RYR2: variants seen among roughly 807,000 people sequenced by gnomAD.
RYR2 encodes the protein ryanodine receptor 2.
In RYR2, 227 loss-of-function variants were observed where a neutral mutation model predicts 601.1. The ratio of observed to expected loss-of-function variants is 0.38; its 90% CI spans 0.34 to 0.42. RYR2 has a LOEUF of 0.42. RYR2 is among the 10% of genes least tolerant of loss of function. RYR2 has a pLI of 1.00. For synonymous variants in RYR2, 2,223 were observed against 2,175.1 expected, an observed-to-expected ratio of 1.02 and a Z score of -0.61; for missense variants, 4,646 against 6,156.5, an observed-to-expected ratio of 0.75 and a Z score of 8.21.
At chr1:237,470,436 G>A (rs989693475) in intron 17 of RYR2, among the ~76,000 whole-genome samples, 5 of 152,114 alleles carry the variant, frequency 3.3e-5, no homozygotes, top group African/African-American at 1.2e-4. Flanking sequence ...TTTAGATAGT[G>A]GAGGACAAAA....
intron 101 of RYR2, among the ~76,000 whole-genome samples, chr1:237,823,839 A>C (rs954837307): frequency 2.0e-5 from 3 of 152,214 alleles, no homozygotes; most frequent in Non-Finnish European, 4.4e-5. Flanking sequence ...AAAAATTATA[A>C]AGGGGATATC....
intron 1 of RYR2, among the ~76,000 whole-genome samples, chr1:237,222,418 A>G (rs1185285837): frequency 6.6e-6 from 1 of 151,992 alleles, no homozygotes; most frequent in Non-Finnish European, 1.5e-5. Flanking sequence ...ATCTCAAAAA[A>G]AAAAAAAGGA....
rs766514559 is a variant in RYR2, at chr1:237,614,335, T to G, written c.5207T>G (p.Ile1736Ser). Residue 1736 changes from isoleucine to serine, a missense_variant, in exon 37 of 105, where the codon ATC (isoleucine) becomes AGC (serine). Ile to Ser is a moderately radical substitution (Grantham distance 142). Around this residue, in one of 17 missense-constraint regions of RYR2, gnomAD observed 1,807 missense variants for 2,088.1 expected, o/e 0.87. Transcript: ENST00000366574. The surrounding 1 kb of genome is among the most constrained non-coding windows in gnomAD (Gnocchi z 4.3). ...CCCATGACGGAGGAGACGAAGAGCA[T>G]CACCCTGTTCCCTGATGAGAACAAA... The part of the protein sequence containing the change: ...IVPMTEETKS[I>S]TLFPDENKKH... 1 of 1,613,980 alleles carries G rather than the reference T, an allele frequency of 6.2e-7. No homozygotes were observed. Among genetic ancestry groups the G allele is most frequent in the Non-Finnish European group, 8.5e-7 (1 of 1,179,900 alleles).
chr1:237,659,223 G>T (rs188200318), intron 54 of RYR2, among the ~76,000 whole-genome samples: 1 of 152,032 alleles, frequency 6.6e-6, no homozygotes, highest in African/African-American at 2.4e-5. Context: ...CTTTTTTGTT[G>T]GTTTTGATAA....
At chr1:237,478,638 T>C (rs1661676337) in intron 17 of RYR2, among the ~76,000 whole-genome samples, 1 of 151,264 alleles carries the variant, frequency 6.6e-6, no homozygotes, top group African/African-American at 2.5e-5. Context: ...TGTTCTAGTC[T>C]CTTTAAATAT....
intron 43 of RYR2, 80 bp from the exon 44 acceptor site, chr1:237,634,809 T>G: frequency 9.7e-7 from 1 of 1,030,592 alleles, no homozygotes; most frequent in South Asian, 1.4e-5. Flanking sequence ...AATTAAATTT[T>G]AAGAGGTAGT....
intron 10 of RYR2, among the ~76,000 whole-genome samples, chr1:237,402,242 A>AAAAT (rs397721301): frequency 6.6e-6 from 1 of 150,952 alleles, no homozygotes; most frequent in Non-Finnish European, 1.5e-5. Context: ...AAAAAAAAAA[A>AAAAT]GTTTTTTAAT....
chr1:237,569,355 G>C (rs757164231), intron 29 of RYR2, 36 bp downstream of exon 29: 2 of 1,591,800 alleles, frequency 1.3e-6, no homozygotes, highest in South Asian at 2.3e-5. Context: ...TTTTAAGTTT[G>C]CAGCACAAGG....
chr1:237,424,507 A>G (rs944813502), intron 12 of RYR2, among the ~76,000 whole-genome samples: 1 of 152,178 alleles, frequency 6.6e-6, no homozygotes, highest in Non-Finnish European at 1.5e-5. Context: ...ATGTTATTAG[A>G]TGAGGAAAAG....
At chr1:237,138,844 A>G (rs1673082837) in intron 1 of RYR2, among the ~76,000 whole-genome samples, 1 of 152,242 alleles carries the variant, frequency 6.6e-6, no homozygotes, top group Non-Finnish European at 1.5e-5. Flanking sequence ...CTCAATCTGC[A>G]ATGAGATACC....
chr1:237,361,354 T>C (rs992036464), intron 4 of RYR2, among the ~76,000 whole-genome samples: 1 of 152,178 alleles, frequency 6.6e-6, no homozygotes, highest in Admixed American at 6.6e-5. Flanking sequence ...TTACCTGATA[T>C]TTCCTCACAA....
At chr1:237,605,241 A>G (rs58593103) in intron 35 of RYR2, among the ~76,000 whole-genome samples, 38,182 of 152,156 alleles carry the variant, frequency 0.25, 5,011 homozygotes, top group South Asian at 0.38. Context: ...AGTGGGCTTC[A>G]TCCCTGGGAT....
At chr1:237,627,718 T>G in intron 40 of RYR2, 89 bp from the exon 41 acceptor site, 5 of 1,311,278 alleles carry the variant, frequency 3.8e-6, no homozygotes, top group Non-Finnish European at 5.1e-6. Context: ...GAAATACCAA[T>G]TTGGGGGTAC....
At chr1:237,799,679 G>A (rs536082431) in intron 97 of RYR2, among the ~76,000 whole-genome samples, 81 of 152,254 alleles carry the variant, frequency 5.3e-4, no homozygotes, top group African/African-American at 1.9e-3. Flanking sequence ...GGAAGGTCAG[G>A]TTTTAAAAGA....
In RYR2 at chr1:237,669,267, T is replaced by C. The variant is rs537000669; in HGVS notation, c.8590+1309T>C. On this transcript the variant is annotated intron_variant, in intron 58 of 104. Coordinates refer to ENST00000366574, the MANE Select transcript of RYR2 (RefSeq NM_001035.3). ...ACAGAACAAAATGAAAAGTCTCCCATGTATACTTCTTTCTACACAGACACG... is the reference window on the plus strand; with the variant it reads ...ACAGAACAAAATGAAAAGTCTCCCACGTATACTTCTTTCTACACAGACACG... Among the ~76,000 whole-genome samples, 190 of 152,186 alleles carry C rather than the reference T, an allele frequency of 1.2e-3. 1 individual carries two copies. Among genetic ancestry groups the C allele is most frequent in the South Asian group, 3.1e-3 (15 of 4,816 alleles).
At chr1:237,820,995 A>C (rs1185794759) in intron 101 of RYR2, among the ~76,000 whole-genome samples, 3 of 152,128 alleles carry the variant, frequency 2.0e-5, no homozygotes, top group African/African-American at 4.8e-5. Context: ...TGGGCAGGGC[A>C]TCTCTGGAAA....
chr1:237,287,598 A>G (rs1261368449), intron 2 of RYR2, among the ~76,000 whole-genome samples: 1 of 152,130 alleles, frequency 6.6e-6, no homozygotes, highest in African/African-American at 2.4e-5. Flanking sequence ...GTTCAATTCT[A>G]TTGCTGAGAC....
Position 237,614,362 on chromosome 1 carries a change from AAC to A in RYR2, c.5237_5238del (p.His1746ArgfsTer26), listed in dbSNP as rs751701270. On this transcript the variant is annotated frameshift_variant, in exon 37 of 105. Coordinates refer to ENST00000366574, the MANE Select transcript of RYR2 (RefSeq NM_001035.3). LOFTEE classifies it high-confidence loss of function. The surrounding 1 kb of genome is among the most constrained non-coding windows in gnomAD (Gnocchi z 4.3). ...ACCCTGTTCCCTGATGAGAACAAAA[AAC>A]ACGGCCTTCCAGGGATCGGCCTCAG... 1 of 1,614,034 alleles carries A rather than the reference AAC, an allele frequency of 6.2e-7. No homozygotes were observed. Among genetic ancestry groups the A allele is most frequent in the Non-Finnish European group, 8.5e-7 (1 of 1,179,896 alleles).
At chr1:237,711,431 A>G (rs2149077989) in intron 70 of RYR2, among the ~76,000 whole-genome samples, 1 of 152,280 alleles carries the variant, frequency 6.6e-6, no homozygotes, top group African/African-American at 2.4e-5. Context: ...GAATCAGTAT[A>G]TGCCTTTCAC....
Sources: gnomAD v4.1 joint callset for allele counts (sites outside exome capture counted in the v4.1 genomes callset) on GRCh38, gnomAD v4.1.1 for gene constraint, gnomAD v4.1.1 regional missense constraint, Gnocchi (gnomAD v3.1) non-coding constraint, MANE v1.5 for transcripts, NCBI Gene and HGNC (gene_info 2026-07-23, HGNC 2026-07-21) for gene names.